The following AUTS2 variants were observed in gnomAD, a reference collection of about 807,000 sequenced individuals.
AUTS2 encodes autism susceptibility gene 2 protein.
In AUTS2, 17 loss-of-function variants were observed where a neutral mutation model predicts 112.4. That is an observed-to-expected ratio of 0.15 (90% CI 0.10 to 0.23). The LOEUF (loss-of-function observed/expected upper bound fraction) is 0.23. Ranked by LOEUF, AUTS2 falls within the 10% of genes least tolerant of loss-of-function variation. The probability of loss-of-function intolerance (pLI) is 1.00; values close to 1 mark genes in which losing one functional copy is unlikely to be tolerated. For synonymous variants in AUTS2, 751 were observed against 702.7 expected, an observed-to-expected ratio of 1.07 and a Z score of -1.09; for missense variants, 1,510 against 1,701.6, an observed-to-expected ratio of 0.89 and a Z score of 1.98.
chr7:70,662,629 T>C (rs548364238), intron 5 of AUTS2, among the ~76,000 whole-genome samples: 125 of 152,292 alleles, frequency 8.2e-4, no homozygotes, highest in African/African-American at 2.9e-3. Context: ...ATAATGTCAT[T>C]TTCCTCCAGC....
chr7:69,954,807 A>G (rs568366526), intron 2 of AUTS2, among the ~76,000 whole-genome samples: 14 of 152,284 alleles, frequency 9.2e-5, no homozygotes, highest in African/African-American at 2.9e-4. Context: ...CAGTTCAATC[A>G]TTAGTGGCAT....
At chr7:69,767,648 G>A (rs1263909288) in intron 1 of AUTS2, among the ~76,000 whole-genome samples, 4 of 152,204 alleles carry the variant, frequency 2.6e-5, no homozygotes, top group African/African-American at 9.7e-5. Context: ...GGCCAGGTAT[G>A]ACCAACCCAT....
intron 4 of AUTS2, chr7:70,290,251 T>G: frequency 9.0e-7 from 1 of 1,110,670 alleles, no homozygotes; most frequent in East Asian, 3.1e-5. Flanking sequence ...AGAAATAATT[T>G]CCCAATTTTA....
At chr7:70,472,644 A>G (rs1415946811) in intron 5 of AUTS2, among the ~76,000 whole-genome samples, 1 of 152,232 alleles carries the variant, frequency 6.6e-6, no homozygotes, top group African/African-American at 2.4e-5. Flanking sequence ...AAAAGGATTT[A>G]GGAGACTCAC....
At chr7:69,928,270 G>A (rs927504820) in intron 2 of AUTS2, among the ~76,000 whole-genome samples, 2 of 152,142 alleles carry the variant, frequency 1.3e-5, no homozygotes, top group African/African-American at 2.4e-5. Flanking sequence ...CATTCTAGTG[G>A]CCAAAAGGCA....
At chr7:69,850,324 A>AAC (rs1792413698) in intron 1 of AUTS2, among the ~76,000 whole-genome samples, 2 of 148,902 alleles carry the variant, frequency 1.3e-5, no homozygotes, top group African/African-American at 4.9e-5. Flanking sequence ...CAAAAACAAA[A>AAC]AAACCCGGAG....
intron 2 of AUTS2, among the ~76,000 whole-genome samples, chr7:69,991,142 C>G (rs1430350990): frequency 1.3e-5 from 2 of 152,158 alleles, no homozygotes; most frequent in African/African-American, 2.4e-5. Flanking sequence ...CAGCTCCTTC[C>G]AGGCAGATCT....
intron 2 of AUTS2, among the ~76,000 whole-genome samples, chr7:70,002,000 C>T (rs1407863724): frequency 6.6e-6 from 1 of 152,164 alleles, no homozygotes; most frequent in Non-Finnish European, 1.5e-5. Context: ...CGTGAGCCAC[C>T]ACACCCGGCC....
chr7:69,970,725 C>A (rs1045162711), intron 2 of AUTS2, among the ~76,000 whole-genome samples: 1 of 152,194 alleles, frequency 6.6e-6, no homozygotes, highest in African/African-American at 2.4e-5. Context: ...TCTCCCTCAA[C>A]AGTGCTAGCC....
intron 1 of AUTS2, among the ~76,000 whole-genome samples, chr7:69,658,494 C>T (rs111752104): frequency 6.6e-6 from 1 of 152,144 alleles, no homozygotes; most frequent in African/African-American, 2.4e-5. Context: ...TACTATTTCT[C>T]TTCTGAGAAA....
At position 70,534,395 on chromosome 7, in the gene AUTS2, AATTT is replaced by A. The variant is rs564106783; in HGVS notation, c.690+98615_690+98618del. On this transcript the variant is annotated intron_variant, in intron 5 of 18. Transcript: ENST00000342771. ...ATATCGGGGAGTTATTGGGAATATG[AATTT>A]GTTTGTTTGTTTGTTTGTTTGTTTG... Among the ~76,000 whole-genome samples the A allele has an allele frequency of 8.4e-3, 1,102 of 131,458 alleles. 8 individuals are homozygous for A. Among genetic ancestry groups the A allele is most frequent in the Non-Finnish European group, 0.014 (864 of 61,752 alleles). 86.2% of individuals were successfully genotyped at this position (131,458 alleles called of 152,430 possible).
At chr7:70,695,660 C>G (rs1186376412) in intron 5 of AUTS2, among the ~76,000 whole-genome samples, 1 of 152,258 alleles carries the variant, frequency 6.6e-6, no homozygotes, top group Non-Finnish European at 1.5e-5. Flanking sequence ...CCCGTCTGCA[C>G]GCACGGCTTT....
chr7:70,429,127 G>T (rs1585133649), intron 4 of AUTS2, among the ~76,000 whole-genome samples: 1 of 152,160 alleles, frequency 6.6e-6, no homozygotes, highest in African/African-American at 2.4e-5. Context: ...AGTGTTTCTT[G>T]TACTTTCTCT....
chr7:70,660,980 G>A (rs190909797), intron 5 of AUTS2, among the ~76,000 whole-genome samples: 1 of 152,172 alleles, frequency 6.6e-6, no homozygotes, highest in Admixed American at 6.5e-5. Flanking sequence ...CTTATCTTGG[G>A]CTAGCCCTCA....
At chr7:69,935,985 G>A (rs770987187) in intron 2 of AUTS2, among the ~76,000 whole-genome samples, 4 of 152,198 alleles carry the variant, frequency 2.6e-5, no homozygotes, top group Non-Finnish European at 5.9e-5. Flanking sequence ...CATTTACCAA[G>A]AGCATATCTG....
In AUTS2 at chr7:69,966,969, G is replaced by C. The variant is rs1036277103; in HGVS notation, c.522+67471G>C. Among the ~76,000 whole-genome samples, 15 of 152,310 alleles carry C rather than the reference G, an allele frequency of 9.8e-5. 1 individual carries two copies. In the South Asian group the frequency reaches 2.9e-3, roughly 29 times the overall value. ...CTGTTCTGTCAGCAAGACCACGTAA[G>C]GGGGAATAGTAAGAGAAAGCTGTCC... is the stretch of plus-strand genomic sequence containing the variant. On this transcript the variant is annotated intron_variant, in intron 2 of 18. Transcript: ENST00000342771.
chr7:70,426,579 G>T lies in AUTS2; in HGVS notation c.661-9173G>T, dbSNP rs977414179. On this transcript the variant is annotated intron_variant, in intron 4 of 18. Transcript: ENST00000342771. ...CTGTGAAACCGACAGGCACAGAGAT[G>T]AGAAGTGAAAGAGAGCAGTTGATTA... is the stretch of plus-strand genomic sequence containing the variant. Among the ~76,000 whole-genome samples the T allele has an allele frequency of 2.0e-5, 3 of 152,218 alleles. No individual in the cohort carries two copies. The East Asian group carries it at 5.8e-4, about 29-fold the overall frequency.
intron 1 of AUTS2, among the ~76,000 whole-genome samples, chr7:69,887,474 A>G (rs920158095): frequency 6.6e-6 from 1 of 151,982 alleles, no homozygotes. Flanking sequence ...GGGAAGCTAG[A>G]AGGCCTCCTC....
chr7:69,967,462 G>C (rs759707248), intron 2 of AUTS2, among the ~76,000 whole-genome samples: 42 of 152,154 alleles, frequency 2.8e-4, no homozygotes, highest in Non-Finnish European at 5.3e-4. Flanking sequence ...CAGGCAGCTT[G>C]GCAAGGCAGT....
Sources: allele counts gnomAD v4.1 joint callset (sites outside exome capture counted in the v4.1 genomes callset), GRCh38; gene constraint gnomAD v4.1.1; transcripts MANE v1.5; gene names NCBI Gene and HGNC (gene_info 2026-07-23, HGNC 2026-07-21).